The following CBFA2T2 variants were observed in gnomAD, a reference collection of about 807,000 sequenced individuals.
CBFA2T2 encodes the protein CBFA2/RUNX1 partner transcriptional co-repressor 2.
A neutral mutation model predicts 62.2 loss-of-function variants in CBFA2T2; 11 were observed. That is an observed-to-expected ratio of 0.18 (90% CI 0.11 to 0.29). CBFA2T2 has a LOEUF of 0.29. Ranked by LOEUF, CBFA2T2 falls within the 10% of genes least tolerant of loss-of-function variation. CBFA2T2 has a pLI of 1.00. For synonymous variants in CBFA2T2, 295 were observed against 287.5 expected (o/e 1.03, Z -0.27); for missense variants, 592 against 774.1 (o/e 0.76, Z 2.79).
chr20:33,554,362 C>T (rs1225224342), intron 1 of CBFA2T2, among the ~76,000 whole-genome samples: 2 of 150,476 alleles, frequency 1.3e-5, no homozygotes, highest in African/African-American at 4.9e-5. Context: ...AAGTGATTCT[C>T]CTGCCTCAGT....
At chr20:33,574,231 GA>G in intron 1 of CBFA2T2, 1 of 1,613,582 alleles carries the variant, frequency 6.2e-7, no homozygotes, top group Non-Finnish European at 8.5e-7. Flanking sequence ...AAGCTTGAAA[GA>G]AATACAGGTC....
At position 33,644,253 on chromosome 20, in the gene CBFA2T2, T is replaced by C; in HGVS notation, c.1489-94T>C. 3 of 1,424,014 alleles carry C rather than the reference T, an allele frequency of 2.1e-6. No individual in the cohort carries two copies. In the South Asian group the frequency reaches 4.0e-5, roughly 19 times the overall value. The allele number at this position is 1,424,014 out of a possible 1,614,324, so 88.2% of individuals were successfully genotyped here. A position where few individuals can be genotyped will look rare whatever the true frequency, so the allele number is the denominator to read the frequency against. On this transcript the variant is annotated intron_variant, in intron 10 of 10. Transcript: ENST00000342704. Reference sequence around the variant, plus strand: ...GTATGTAGTTCCAAAGCTGGGGTTCTCTACATACAGCCCCTTGCTTTACTG... The same window carrying C: ...GTATGTAGTTCCAAAGCTGGGGTTCCCTACATACAGCCCCTTGCTTTACTG...
intron 1 of CBFA2T2, among the ~76,000 whole-genome samples, chr20:33,536,940 C>A (rs1459849725): frequency 4.0e-5 from 6 of 150,730 alleles, no homozygotes; most frequent in Non-Finnish European, 8.9e-5. Context: ...GGCGGCCGGG[C>A]AGAGACGCTC....
At chr20:33,555,346 T>C (rs2012866848) in intron 1 of CBFA2T2, among the ~76,000 whole-genome samples, 1 of 152,186 alleles carries the variant, frequency 6.6e-6, no homozygotes, top group South Asian at 2.1e-4. Context: ...CCGTCATGAA[T>C]GGGATCATTA....
intron 1 of CBFA2T2, among the ~76,000 whole-genome samples, chr20:33,509,409 C>T (rs1008490729): frequency 1.3e-5 from 2 of 151,916 alleles, no homozygotes; most frequent in African/African-American, 4.8e-5. Context: ...TGATTCAGAT[C>T]CCAAGATTAA....
At chr20:33,585,887 G>A (rs2014345291) in intron 1 of CBFA2T2, among the ~76,000 whole-genome samples, 2 of 152,202 alleles carry the variant, frequency 1.3e-5, no homozygotes, top group South Asian at 2.1e-4. Context: ...GCAGAGTGAT[G>A]GTTGAGGAAA....
chr20:33,536,280 C>T lies in CBFA2T2; in HGVS notation c.34+45979C>T, dbSNP rs548788440. 6.5e-4 allele frequency among the ~76,000 whole-genome samples: 90 copies of T among 139,452 alleles called. 1 individual carries two copies. The highest frequency in any genetic ancestry group is 1.2e-3 in the Non-Finnish European group (73 of 62,058). The allele number at this position is 139,452 out of a possible 152,430, so 91.5% of individuals were successfully genotyped here. A position where few individuals can be genotyped will look rare whatever the true frequency, so the allele number is the denominator to read the frequency against. On this transcript the variant is annotated intron_variant, in intron 1 of 10. Coordinates refer to ENST00000342704, the MANE Select transcript of CBFA2T2 (RefSeq NM_001032999.3). ...GGCGCCCCTCATCTCCCAGACGGGG[C>T]GGCTGGCCGGGCGGGGGGCTGACCC...
intron 1 of CBFA2T2, among the ~76,000 whole-genome samples, chr20:33,522,200 C>G (rs549089540): frequency 4.6e-5 from 7 of 152,110 alleles, no homozygotes; most frequent in African/African-American, 1.7e-4. Context: ...GTGAGAAAAC[C>G]AAGAGCTACA....
At chr20:33,524,831 A>G (rs2011838943) in intron 1 of CBFA2T2, among the ~76,000 whole-genome samples, 1 of 152,188 alleles carries the variant, frequency 6.6e-6, no homozygotes, top group Non-Finnish European at 1.5e-5. Context: ...AAAATGTGAC[A>G]AATAGCTTTT....
Position 33,628,383 on chromosome 20 carries a change from A to T in CBFA2T2, c.980A>T (p.Asp327Val). 6.2e-7 allele frequency: 1 copy of T among 1,613,240 alleles called. No individual in the cohort carries two copies. The highest frequency in any genetic ancestry group is 8.5e-7 in the Non-Finnish European group (1 of 1,179,140). ...GGAGGCTATCAAGATGAGTTGGTAG[A>T]TCATCGTTTGACAGAAAGGGAATGG... ...LNGGYQDELV[D>V]HRLTEREWAD... Residue 327 changes from aspartate to valine, a missense_variant, in exon 7 of 11, where the codon GAT becomes GTT. Asp to Val is a radical substitution (Grantham distance 152). This residue lies in a region of CBFA2T2 where 449 missense variants were observed against 551.2 expected (regional missense o/e 0.81). Coordinates refer to ENST00000342704, the MANE Select transcript of CBFA2T2 (RefSeq NM_001032999.3).
chr20:33,517,933 C>T (rs918183834), intron 1 of CBFA2T2, among the ~76,000 whole-genome samples: 14 of 150,278 alleles, frequency 9.3e-5, no homozygotes, highest in Non-Finnish European at 1.6e-4. Context: ...CGTGAGCCAC[C>T]GTGCCCAGCT....
At chr20:33,499,746 T>G (rs1289821634) in intron 1 of CBFA2T2, among the ~76,000 whole-genome samples, 1 of 152,138 alleles carries the variant, frequency 6.6e-6, no homozygotes, top group Non-Finnish European at 1.5e-5. Flanking sequence ...TAATTATAGA[T>G]CAAACTTGGG....
intron 1 of CBFA2T2, among the ~76,000 whole-genome samples, chr20:33,525,617 ACTGT>A (rs1334355949): frequency 2.0e-5 from 3 of 152,148 alleles, no homozygotes; most frequent in African/African-American, 7.2e-5. Flanking sequence ...ATTAACAATT[ACTGT>A]CTATTTTTCC....
intron 1 of CBFA2T2, among the ~76,000 whole-genome samples, chr20:33,559,506 G>C (rs1326122597): frequency 2.0e-5 from 3 of 151,768 alleles, no homozygotes; most frequent in Admixed American, 6.6e-5. Context: ...TGTTGTTGTT[G>C]AGACAGGGTC....
chr20:33,535,989 A>G (rs1443713791), intron 1 of CBFA2T2, among the ~76,000 whole-genome samples: 2 of 152,204 alleles, frequency 1.3e-5, no homozygotes, highest in Non-Finnish European at 2.9e-5. Flanking sequence ...GTTGGGGGTA[A>G]GGTCACCGAT....
At chr20:33,514,060 C>A (rs1198268471) in intron 1 of CBFA2T2, among the ~76,000 whole-genome samples, 7 of 151,014 alleles carry the variant, frequency 4.6e-5, no homozygotes, top group Non-Finnish European at 4.4e-5. Context: ...GCCACCATGC[C>A]TGGCTACTTT....
chr20:33,568,777 G>T (rs1162544345), intron 1 of CBFA2T2, among the ~76,000 whole-genome samples: 2 of 152,106 alleles, frequency 1.3e-5, no homozygotes, highest in Non-Finnish European at 2.9e-5. Context: ...ACTTCCATAT[G>T]GGTCTATGCA....
At chr20:33,510,223 T>C (rs2011484344) in intron 1 of CBFA2T2, among the ~76,000 whole-genome samples, 1 of 151,592 alleles carries the variant, frequency 6.6e-6, no homozygotes, top group African/African-American at 2.4e-5. Flanking sequence ...TGTTTTTTTT[T>C]TTTTGGAGAC....
chr20:33,592,644 A>G lies in CBFA2T2; in HGVS notation c.35-14312A>G, dbSNP rs553275561. Among the ~76,000 whole-genome samples the G allele has an allele frequency of 2.2e-4, 34 of 151,994 alleles. 1 individual carries two copies. Among genetic ancestry groups the G allele is most frequent in the Admixed American group, 8.5e-4 (13 of 15,256 alleles). ...GGAGGCTGAGGATCACTTGAGCCCA[A>G]GAGTTTGAGGTCAGCCTTGGTAACA... On this transcript the variant is annotated intron_variant, in intron 1 of 10. Transcript: ENST00000342704.
Sources: gnomAD v4.1 joint callset for allele counts (sites outside exome capture counted in the v4.1 genomes callset) on GRCh38, gnomAD v4.1.1 for gene constraint, gnomAD v4.1.1 regional missense constraint, MANE v1.5 for transcripts, NCBI Gene and HGNC (gene_info 2026-07-23, HGNC 2026-07-21) for gene names.